The following SF1 variants were observed in gnomAD, a reference collection of about 807,000 sequenced individuals.
SF1 encodes branch point-binding protein.
A neutral mutation model predicts 62.5 loss-of-function variants in SF1; 7 were observed. That is an observed-to-expected ratio of 0.11 (90% CI 0.06 to 0.21). SF1 has a LOEUF of 0.21. SF1 is among the 10% of genes least tolerant of loss of function. The pLI, the probability that SF1 is intolerant of heterozygous loss-of-function variation, is 1.00. For missense variants in SF1, 578 were observed against 884.0 expected (o/e 0.65, Z 4.39); for synonymous variants, 394 against 323.6 (o/e 1.22, Z -2.33).
chr11:64,777,265 C>A (rs1939440188), intron 1 of SF1, among the ~76,000 whole-genome samples: 1 of 152,186 alleles, frequency 6.6e-6, no homozygotes, highest in Non-Finnish European at 1.5e-5. Flanking sequence ...CAGCCAAGTT[C>A]TCCTTTCCCC....
chr11:64,777,536 G>C (rs1233124962), intron 1 of SF1: 4 of 985,370 alleles, frequency 4.1e-6, no homozygotes, highest in South Asian at 9.4e-5. Context: ...TGTAGAAGCA[G>C]AGGAGCTATC....
At chr11:64,767,887 C>CT (rs773865377) in intron 9 of SF1, 43 bp from the exon 10 acceptor site, 1 of 1,593,018 alleles carries the variant, frequency 6.3e-7, no homozygotes, top group Non-Finnish European at 8.5e-7. Flanking sequence ...CCTGCGCCTC[C>CT]TAGTGGCAAC....
intron 2 of SF1, among the ~76,000 whole-genome samples, chr11:64,774,306 G>A (rs1335966739): frequency 2.6e-5 from 4 of 152,196 alleles, no homozygotes; most frequent in African/African-American, 7.2e-5. Flanking sequence ...CTTGGCCCTC[G>A]GGCCTTGACC....
intron 3 of SF1, 183 bp from the exon 4 acceptor site, chr11:64,770,591 G>A (rs1012709993): frequency 3.2e-5 from 20 of 627,110 alleles, no homozygotes; most frequent in African/African-American, 1.3e-4. Context: ...CTGGCTTAAC[G>A]TTAGGGGTCT....
intron 1 of SF1, chr11:64,778,006 G>A (rs1324405517): frequency 4.0e-6 from 4 of 1,001,296 alleles, no homozygotes; most frequent in East Asian, 1.0e-4. Context: ...CGCCGGCCGG[G>A]CCCGGCTGCT....
At chr11:64,766,532 C>G (rs2058682874) in intron 12 of SF1, 1 of 424,244 alleles carries the variant, frequency 2.4e-6, no homozygotes, top group South Asian at 3.5e-5. Context: ...TCTGCAGTCT[C>G]TCACCCCAAT....
At chr11:64,778,129 CGGTGGA>C in intron 1 of SF1, 5 of 772,330 alleles carry the variant, frequency 6.5e-6, no homozygotes, top group Non-Finnish European at 6.4e-6. Flanking sequence ...GGGACGGTGG[CGGTGGA>C]GGCGGCGGCG....
chr11:64,769,922 C>G, intron 5 of SF1, 42 bp downstream of exon 5: 1 of 1,439,998 alleles, frequency 6.9e-7, no homozygotes, highest in African/African-American at 1.4e-5. Context: ...ATCTCACAGG[C>G]TCTAAAGGAA....
At chr11:64,771,918 G>C (rs1938386176) in intron 3 of SF1, 1 of 985,386 alleles carries the variant, frequency 1.0e-6, no homozygotes, top group Non-Finnish European at 1.2e-6. Context: ...CTGAATAGAA[G>C]GGAGGAAAAA....
Position 64,778,513 on chromosome 11 carries a change from CGCGGCGGGCG to C in SF1, c.-131_-122del. 1 of 1,155,832 alleles carries C rather than the reference CGCGGCGGGCG, an allele frequency of 8.7e-7. No individual in the cohort carries two copies. The highest frequency in any genetic ancestry group is 1.1e-6 in the Non-Finnish European group (1 of 939,594). 71.6% of individuals were successfully genotyped at this position (1,155,832 alleles called of 1,614,324 possible). A position where few individuals can be genotyped will look rare whatever the true frequency, so the allele number is the denominator to read the frequency against. Reference sequence around the variant, plus strand: ...GGAGCGCGCGGAGCCCGTCCTCTCACGCGGCGGGCGGCGGCGGCGCGAGACGCACAAAGAG... The same window carrying C: ...GGAGCGCGCGGAGCCCGTCCTCTCACGCGGCGGCGCGAGACGCACAAAGAG... On this transcript the variant is annotated 5_prime_UTR_variant, in exon 1 of 13. Transcript: ENST00000377390.
At chr11:64,777,663 AC>A in intron 1 of SF1, 1 of 985,322 alleles carries the variant, frequency 1.0e-6, no homozygotes. Flanking sequence ...AGCGCTGAAC[AC>A]CCGCCACCCC....
At chr11:64,774,274 ATG>A (rs1938786608) in intron 2 of SF1, among the ~76,000 whole-genome samples, 1 of 152,222 alleles carries the variant, frequency 6.6e-6, no homozygotes. Flanking sequence ...GAAGAATGGA[ATG>A]TGTGTTCAAG....
intron 8 of SF1, among the ~76,000 whole-genome samples, chr11:64,768,696 TG>T (rs1305370411): frequency 3.9e-5 from 6 of 152,214 alleles, no homozygotes; most frequent in Non-Finnish European, 8.8e-5. Flanking sequence ...TATCGAGTGC[TG>T]ACTTGCAACT....
rs545224493 is a variant in SF1 at position 64,769,219 on chromosome 11, A to AT, written c.779+3dup. 50 of 1,613,564 alleles carry AT rather than the reference A, an allele frequency of 3.1e-5. No individual in the cohort carries two copies. The East Asian group carries it at 4.9e-4, about 16-fold the overall frequency. ...CTACACTCTCCTTTAAACTGATCAC[A>AT]TACCTGTTATCGTCTTCCCGAAGGG... On this transcript the variant is annotated splice_donor_region_variant and intron_variant, in intron 7 of 12. Coordinates refer to ENST00000377390, the MANE Select transcript of SF1 (RefSeq NM_004630.4).
intron 9 of SF1, 75 bp downstream of exon 9, chr11:64,768,031 C>A: frequency 6.6e-7 from 1 of 1,517,968 alleles, no homozygotes. Context: ...CTACCCAAAC[C>A]ACGTGGCCAT....
At chr11:64,767,515 C>A in intron 10 of SF1, 56 bp downstream of exon 10, 1 of 1,494,924 alleles carries the variant, frequency 6.7e-7, no homozygotes, top group Non-Finnish European at 9.0e-7. Flanking sequence ...AGCGACCTGA[C>A]GTAACCCCTT....
Position 64,764,826 on chromosome 11 carries a change from C to G in SF1, c.*992G>C, listed in dbSNP as rs1247688873. 6.6e-6 allele frequency: 1 copy of G among 152,458 alleles called. No individual in the cohort carries two copies. Among genetic ancestry groups the G allele is most frequent in the Non-Finnish European group, 1.5e-5 (1 of 68,096 alleles). 9.4% of individuals were successfully genotyped at this position (152,458 alleles called of 1,614,324 possible). On this transcript the variant is annotated 3_prime_UTR_variant, in exon 13 of 13. Transcript: ENST00000377390. ...GCTCAAACCCCTACACACTGCAAAA[C>G]ATTCAGACATTTGGGATTAAAACAA...
intron 12 of SF1, chr11:64,766,566 T>G: frequency 2.4e-6 from 1 of 416,538 alleles, no homozygotes; most frequent in South Asian, 4.0e-5. Context: ...AGAGCAAGCA[T>G]GCACCATCCC....
chr11:64,776,729 G>A (rs1939313064), intron 1 of SF1, 103 bp from the exon 2 acceptor site: 8 of 1,124,222 alleles, frequency 7.1e-6, no homozygotes, highest in Middle Eastern at 4.0e-4. Context: ...AGACTGTGAA[G>A]CTGAGAGCTT....
Sources: allele counts gnomAD v4.1 joint callset (sites outside exome capture counted in the v4.1 genomes callset), GRCh38; gene constraint gnomAD v4.1.1; transcripts MANE v1.5; gene names NCBI Gene and HGNC (gene_info 2026-07-23, HGNC 2026-07-21).